NUP35: variants seen among roughly 807,000 people sequenced by gnomAD.
NUP35 encodes nucleoporin NUP35.
NUP35 carries 25 observed loss-of-function variants against 41.5 expected under a neutral mutation model. The ratio of observed to expected loss-of-function variants is 0.60; its 90% CI spans 0.44 to 0.84. The LOEUF (loss-of-function observed/expected upper bound fraction) is 0.84. NUP35 is among the 40% of genes least tolerant of loss of function. NUP35 has a pLI of 0.00. For missense variants in NUP35, 396 were observed against 396.6 expected (o/e 1.00, Z 0.01); for synonymous variants, 149 against 130.7 (o/e 1.14, Z -0.96).
intron 4 of NUP35, among the ~76,000 whole-genome samples, chr2:183,135,181 A>C (rs1475617867): frequency 2.0e-5 from 3 of 152,158 alleles, no homozygotes; most frequent in Non-Finnish European, 4.4e-5. Context: ...TCCCTTTGCC[A>C]TGTAATGTAA....
intron 4 of NUP35, among the ~76,000 whole-genome samples, chr2:183,142,454 CTT>C (rs200327315): frequency 4.9e-5 from 7 of 141,864 alleles, no homozygotes; most frequent in Non-Finnish European, 3.1e-5. Context: ...TGTGTGTTTT[CTT>C]TTTTTTTTTG....
intron 3 of NUP35, among the ~76,000 whole-genome samples, chr2:183,131,778 T>G (rs1684703593): frequency 6.6e-6 from 1 of 152,248 alleles, no homozygotes; most frequent in Admixed American, 6.5e-5. Context: ...TGTGTTTGGC[T>G]AAATATTACT....
At chr2:183,158,002 T>A (rs545944652) in intron 6 of NUP35, among the ~76,000 whole-genome samples, 22 of 151,850 alleles carry the variant, frequency 1.4e-4, no homozygotes, top group Non-Finnish European at 2.8e-4. Context: ...TTGAGTAGTT[T>A]TAAATAACTT....
intron 4 of NUP35, among the ~76,000 whole-genome samples, chr2:183,142,726 T>C (rs1685141333): frequency 6.6e-6 from 1 of 151,924 alleles, no homozygotes; most frequent in Non-Finnish European, 1.5e-5. Flanking sequence ...GTGATCCACC[T>C]GCATCAGCCT....
upstream of NUP35, among the ~76,000 whole-genome samples, chr2:183,122,029 C>G (rs745457995): frequency 2.0e-5 from 3 of 150,522 alleles, no homozygotes; most frequent in South Asian, 2.1e-4. Flanking sequence ...ATTTACAAAC[C>G]CTTTTCTACT....
chr2:183,138,374 A>T (rs560422055), intron 4 of NUP35, among the ~76,000 whole-genome samples: 2 of 150,450 alleles, frequency 1.3e-5, no homozygotes, highest in East Asian at 3.9e-4. Flanking sequence ...AAGAGATGTC[A>T]TGGGATATAA....
chr2:183,128,253 GA>G, intron 1 of NUP35, 33 bp from the exon 2 acceptor site: 3 of 1,493,234 alleles, frequency 2.0e-6, no homozygotes, highest in Admixed American at 2.0e-5. Flanking sequence ...AACTGTAACA[GA>G]AAAGTCCTTA....
At chr2:183,124,612 A>T (rs1482503282) in intron 1 of NUP35, 115 bp downstream of exon 1, 14 of 1,389,360 alleles carry the variant, frequency 1.0e-5, no homozygotes, top group Middle Eastern at 2.5e-4. Flanking sequence ...AGTCGCGGAG[A>T]GGGAATCCTT....
At chr2:183,153,719 A>G (rs529366880) in intron 5 of NUP35, among the ~76,000 whole-genome samples, 1 of 152,204 alleles carries the variant, frequency 6.6e-6, no homozygotes, top group South Asian at 2.1e-4. Context: ...TGGGTTTTCC[A>G]GGCACAGAGT....
At chr2:183,122,354 G>T (rs1220297667), upstream of NUP35, among the ~76,000 whole-genome samples, 1 of 152,144 alleles carries the variant, frequency 6.6e-6, no homozygotes, top group Non-Finnish European at 1.5e-5. Flanking sequence ...GGGATTACAG[G>T]CATGAGCCAC....
At chr2:183,125,694 T>C (rs1176505722) in intron 1 of NUP35, among the ~76,000 whole-genome samples, 1 of 145,000 alleles carries the variant, frequency 6.9e-6, no homozygotes, top group Non-Finnish European at 1.5e-5. Flanking sequence ...GAGTGCATAT[T>C]TATTGGGGTT....
Position 183,133,600 on chromosome 2 carries a change from G to A in NUP35, c.374G>A (p.Gly125Glu). Residue 125 changes from glycine (G) to glutamate (E), a missense_variant, in exon 4 of 9, where the codon GGA (glycine) becomes GAA (glutamate). Gly to Glu is a moderately conservative substitution (Grantham distance 98). Transcript: ENST00000295119. Reference protein sequence around the residue: ...NISVMQSPLVGVTSTPGTGQS... With the variant: ...NISVMQSPLVEVTSTPGTGQS... ...TCAGTAATGCAGAGTCCTCTTGTTG[G>A]AGTTACATCTACTCCTGGAACAGGT... is the stretch of plus-strand genomic sequence containing the variant. 1 of 1,596,562 alleles carries A rather than the reference G, an allele frequency of 6.3e-7. No homozygotes were observed. The highest frequency in any genetic ancestry group is 8.5e-7 in the Non-Finnish European group (1 of 1,174,738).
intron 8 of NUP35, 25 bp from the exon 9 acceptor site, chr2:183,161,029 T>C (rs1253841488): frequency 6.3e-6 from 10 of 1,593,942 alleles, no homozygotes; most frequent in Non-Finnish European, 8.6e-6. Context: ...ACCTAACCGT[T>C]TTTTTTGTGT....
upstream of NUP35, among the ~76,000 whole-genome samples, chr2:183,121,915 T>TTTTTTATTATTA (rs143821626): frequency 2.8e-5 from 4 of 145,322 alleles, no homozygotes; most frequent in African/African-American, 9.9e-5. Context: ...GGCCATTCTT[T>TTTTTTATTATTA]TTATTATTAT....
At chr2:183,140,533 G>T (rs995813713) in intron 4 of NUP35, among the ~76,000 whole-genome samples, 10 of 152,130 alleles carry the variant, frequency 6.6e-5, no homozygotes, top group Non-Finnish European at 1.0e-4. Context: ...AATAAATTCA[G>T]ATGGTTTTAG....
upstream of NUP35, among the ~76,000 whole-genome samples, chr2:183,120,461 AAAG>A (rs1700051862): frequency 2.0e-5 from 3 of 152,014 alleles, no homozygotes; most frequent in African/African-American, 4.8e-5. Context: ...AAAAAAAAAA[AAAG>A]AAAGTTTTGG....
intron 5 of NUP35, among the ~76,000 whole-genome samples, chr2:183,154,163 C>G (rs1053909393): frequency 3.3e-5 from 5 of 152,202 alleles, no homozygotes; most frequent in African/African-American, 1.2e-4. Flanking sequence ...CACAAAACCG[C>G]TTTTTCCTCC....
intron 4 of NUP35, among the ~76,000 whole-genome samples, chr2:183,148,119 T>C (rs1219463014): frequency 6.6e-6 from 1 of 152,212 alleles, no homozygotes; most frequent in African/African-American, 2.4e-5. Context: ...GTTCCATCCA[T>C]GTTGCTGCAA....
rs150298665 is a variant in NUP35 at position 183,136,813 on chromosome 2, G to A, written c.397+3190G>A. Among the ~76,000 whole-genome samples the A allele has an allele frequency of 2.4e-3, 361 of 151,982 alleles. 3 individuals carry two copies. The highest frequency in any genetic ancestry group is 8.3e-3 in the African/African-American group (345 of 41,466). On this transcript the variant is annotated intron_variant, in intron 4 of 8. Coordinates refer to ENST00000295119, the MANE Select transcript of NUP35 (RefSeq NM_138285.5). ...AAATCTTGGAGGCCTCTTTAGGCTG[G>A]GCGCAGTGGTTCATGCCAGTAATCC...
Sources: gnomAD v4.1 joint callset for allele counts (sites outside exome capture counted in the v4.1 genomes callset) on GRCh38, gnomAD v4.1.1 for gene constraint, MANE v1.5 for transcripts, NCBI Gene and HGNC (gene_info 2026-07-23, HGNC 2026-07-21) for gene names.